The following NPFFR2 variants were observed in gnomAD, a reference collection of about 807,000 sequenced individuals.
The protein encoded by NPFFR2 is G-protein coupled receptor 74.
NPFFR2 carries 15 observed loss-of-function variants against 13.1 expected under a neutral mutation model. The ratio of observed to expected loss-of-function variants is 1.15; its 90% CI spans 0.77 to 1.76. The LOEUF (loss-of-function observed/expected upper bound fraction) is 1.76. Ranked by LOEUF, NPFFR2 falls within the 40% of genes most tolerant of loss-of-function variation. The pLI is 0.00. For missense variants in NPFFR2, 572 were observed against 503.5 expected, an observed-to-expected ratio of 1.14 and a Z score of -1.30; for synonymous variants, 190 against 175.7, an observed-to-expected ratio of 1.08 and a Z score of -0.65.
chr4:72,130,553 T>A (rs72857456), intron 2 of NPFFR2, among the ~76,000 whole-genome samples: 7 of 151,936 alleles, frequency 4.6e-5, no homozygotes, highest in Non-Finnish European at 1.0e-4. Context: ...TAAAAAAAAA[T>A]TTTATTGAGG....
chr4:72,140,504 T>G (rs1007941047), intron 3 of NPFFR2, among the ~76,000 whole-genome samples: 1 of 152,140 alleles, frequency 6.6e-6, no homozygotes, highest in Non-Finnish European at 1.5e-5. Flanking sequence ...TTTTCTGCAT[T>G]TATTGAGATA....
At chr4:72,097,305 T>G (rs1199602745) in intron 1 of NPFFR2, among the ~76,000 whole-genome samples, 1 of 152,150 alleles carries the variant, frequency 6.6e-6, no homozygotes, top group Non-Finnish European at 1.5e-5. Context: ...CATGAAATTT[T>G]CCAAGACTTT....
At chr4:72,125,616 A>C (rs1489974202) in intron 1 of NPFFR2, among the ~76,000 whole-genome samples, 1 of 152,212 alleles carries the variant, frequency 6.6e-6, no homozygotes, top group African/African-American at 2.4e-5. Flanking sequence ...CTACAGAAGA[A>C]TCTGACTTCT....
chr4:72,101,246 G>A (rs1405858706), intron 1 of NPFFR2, among the ~76,000 whole-genome samples: 3 of 151,900 alleles, frequency 2.0e-5, no homozygotes, highest in Non-Finnish European at 4.4e-5. Flanking sequence ...TCCTATTTAT[G>A]CACATTACTT....
At chr4:72,141,567 GT>G (rs2109847310) in intron 3 of NPFFR2, among the ~76,000 whole-genome samples, 1 of 152,254 alleles carries the variant, frequency 6.6e-6, no homozygotes, top group Non-Finnish European at 1.5e-5. Flanking sequence ...TAGTTGTGCT[GT>G]TTTGAGTGGG....
Position 72,073,419 on chromosome 4 carries a change from T to C in NPFFR2, c.-8+41219T>C, listed in dbSNP as rs556821989. Among the ~76,000 whole-genome samples, 3 of 152,114 alleles carry C rather than the reference T, an allele frequency of 2.0e-5. No individual in the cohort carries two copies. The South Asian group carries it at 6.2e-4, about 32-fold the overall frequency. ...CTAGAACTGCCCTGCAAGAAATGCTTAAGGGAGCCCTGCAGGTTGAAATTA... is the reference window on the plus strand; with the variant it reads ...CTAGAACTGCCCTGCAAGAAATGCTCAAGGGAGCCCTGCAGGTTGAAATTA... On this transcript the variant is annotated intron_variant, in intron 1 of 3. Transcript: ENST00000308744.
rs1312168482 is a variant in NPFFR2 at position 72,126,909 on chromosome 4, A to G, written c.-7-1676A>G. 2.0e-5 allele frequency among the ~76,000 whole-genome samples: 3 copies of G among 152,106 alleles called. No homozygotes were observed. In the East Asian group the frequency reaches 5.8e-4, roughly 29 times the overall value. ...TTCCTGATTTTGTTTTGCATCCTTC[A>G]CTTTAATAAATATTAGTGTGAATGC... On this transcript the variant is annotated intron_variant, in intron 1 of 3. Transcript: ENST00000308744.
chr4:72,049,078 C>A (rs1265715114), intron 1 of NPFFR2, among the ~76,000 whole-genome samples: 1 of 152,016 alleles, frequency 6.6e-6, no homozygotes, highest in Non-Finnish European at 1.5e-5. Context: ...TACCTTTTAA[C>A]AGATGGTTTT....
intron 1 of NPFFR2, among the ~76,000 whole-genome samples, chr4:72,043,783 T>G (rs1719300741): frequency 6.6e-6 from 1 of 152,138 alleles, no homozygotes; most frequent in African/African-American, 2.4e-5. Context: ...AGATGAGACT[T>G]TGGACTTGGA....
chr4:72,044,379 T>C (rs1719319551), intron 1 of NPFFR2, among the ~76,000 whole-genome samples: 1 of 152,182 alleles, frequency 6.6e-6, no homozygotes, highest in South Asian at 2.1e-4. Context: ...TTTTTGTATA[T>C]TGTGAGCAGT....
chr4:72,069,197 A>G (rs1578434736), intron 1 of NPFFR2, among the ~76,000 whole-genome samples: 1 of 152,152 alleles, frequency 6.6e-6, no homozygotes, highest in African/African-American at 2.4e-5. Flanking sequence ...CAGATTTTTA[A>G]AAGGCAAACT....
chr4:72,124,203 A>G (rs1258431522), intron 1 of NPFFR2, among the ~76,000 whole-genome samples: 1 of 152,220 alleles, frequency 6.6e-6, no homozygotes, highest in Non-Finnish European at 1.5e-5. Flanking sequence ...TACAACTTAC[A>G]AGGTATGTGA....
chr4:72,070,433 C>T (rs1720209567), intron 1 of NPFFR2, among the ~76,000 whole-genome samples: 1 of 151,972 alleles, frequency 6.6e-6, no homozygotes, highest in Non-Finnish European at 1.5e-5. Context: ...AGGAGGGTCA[C>T]ATACATTTTT....
At chr4:72,139,847 G>A (rs1722542654) in intron 3 of NPFFR2, among the ~76,000 whole-genome samples, 1 of 152,126 alleles carries the variant, frequency 6.6e-6, no homozygotes, top group Non-Finnish European at 1.5e-5. Flanking sequence ...ATTACCTTGG[G>A]CAGTATGGTC....
intron 1 of NPFFR2, among the ~76,000 whole-genome samples, chr4:72,041,295 A>G (rs1190229542): frequency 1.3e-5 from 2 of 152,212 alleles, no homozygotes; most frequent in African/African-American, 4.8e-5. Flanking sequence ...AATGGCCTCC[A>G]GCCGTATCCA....
intron 1 of NPFFR2, among the ~76,000 whole-genome samples, chr4:72,051,274 C>G (rs1719570095): frequency 6.6e-6 from 1 of 151,990 alleles, no homozygotes; most frequent in Non-Finnish European, 1.5e-5. Flanking sequence ...TGTAAAAGAA[C>G]AGAAATTATA....
Position 72,147,933 on chromosome 4 carries a change from C to T in NPFFR2, c.*121C>T. 1.4e-6 allele frequency: 1 copy of T among 724,874 alleles called. No individual in the cohort carries two copies. Among genetic ancestry groups the T allele is most frequent in the Non-Finnish European group, 2.1e-6 (1 of 479,582 alleles). The allele number at this position is 724,874 out of a possible 1,614,324, so 44.9% of individuals were successfully genotyped here. A position where few individuals can be genotyped will look rare whatever the true frequency, so the allele number is the denominator to read the frequency against. On this transcript the variant is annotated 3_prime_UTR_variant, in exon 4 of 4. Transcript: ENST00000308744. ...TCTAAATAAAACATTTACTGAAAGC[C>T]CTCTCTGGCAAAAAAATTAAAAATA...
At chr4:72,112,515 G>T (rs1721591962) in intron 1 of NPFFR2, among the ~76,000 whole-genome samples, 1 of 151,834 alleles carries the variant, frequency 6.6e-6, no homozygotes, top group African/African-American at 2.4e-5. Context: ...TATTCCCTTG[G>T]TTTCCCATTA....
chr4:72,125,231 C>T (rs1211064799), intron 1 of NPFFR2, among the ~76,000 whole-genome samples: 1 of 152,156 alleles, frequency 6.6e-6, no homozygotes, highest in East Asian at 1.9e-4. Flanking sequence ...AATGAGATAC[C>T]ATCTCACGCC....
Sources: gnomAD v4.1 joint callset for allele counts (sites outside exome capture counted in the v4.1 genomes callset) on GRCh38, gnomAD v4.1.1 for gene constraint, MANE v1.5 for transcripts, NCBI Gene and HGNC (gene_info 2026-07-23, HGNC 2026-07-21) for gene names.